The following MORN1 variants were observed in gnomAD, a reference collection of about 807,000 sequenced individuals.
MORN1 encodes MORN repeat containing 1, also known as MORN repeat-containing protein 1.
MORN1 carries 67 observed loss-of-function variants against 61.9 expected under a neutral mutation model. The ratio of observed to expected loss-of-function variants is 1.08; its 90% CI spans 0.89 to 1.33. MORN1 has a LOEUF of 1.33. Ranked by LOEUF, MORN1 falls within the 40% of genes most tolerant of loss-of-function variation. The probability of loss-of-function intolerance (pLI) is 0.00; values close to 1 mark genes in which losing one functional copy is unlikely to be tolerated. For missense variants in MORN1, 752 were observed against 691.2 expected, an observed-to-expected ratio of 1.09 and a Z score of -0.99; for synonymous variants, 301 against 292.0, an observed-to-expected ratio of 1.03 and a Z score of -0.31.
At chr1:2,370,676 T>TC (rs1642097958) in intron 8 of MORN1, among the ~76,000 whole-genome samples, 9 of 31,412 alleles carry the variant, frequency 2.9e-4, no homozygotes, top group Non-Finnish European at 3.8e-4. Flanking sequence ...TTTTTCTTCT[T>TC]TTTTTTTTTT....
intron 8 of MORN1, among the ~76,000 whole-genome samples, chr1:2,362,777 T>TGG (rs1641917417): frequency 6.6e-6 from 1 of 152,030 alleles, no homozygotes; most frequent in African/African-American, 2.4e-5. Flanking sequence ...GGCAGGAGAA[T>TGG]TGCTTGAACC....
At chr1:2,332,362 C>G in intron 12 of MORN1, 1 of 344,366 alleles carries the variant, frequency 2.9e-6, no homozygotes, top group South Asian at 2.2e-5. Context: ...GCCCGGCCAC[C>G]CTGACTGTTG....
chr1:2,368,387 G>A (rs925625727), intron 8 of MORN1, among the ~76,000 whole-genome samples: 4 of 152,242 alleles, frequency 2.6e-5, no homozygotes, highest in Admixed American at 6.5e-5. Context: ...TTTTAACTGC[G>A]TGCAGATCAA....
chr1:2,347,315 G>A (rs1641539327), intron 10 of MORN1, among the ~76,000 whole-genome samples: 1 of 152,154 alleles, frequency 6.6e-6, no homozygotes, highest in Non-Finnish European at 1.5e-5. Context: ...AATGTGCCAC[G>A]AAGGCTCCAT....
At chr1:2,346,957 T>C (rs2100279212) in intron 10 of MORN1, among the ~76,000 whole-genome samples, 1 of 152,206 alleles carries the variant, frequency 6.6e-6, no homozygotes, top group East Asian at 1.9e-4. Context: ...TGGCCAGGGC[T>C]GGACTGGTGT....
intron 2 of MORN1, among the ~76,000 whole-genome samples, chr1:2,389,432 C>G (rs1642589298): frequency 6.6e-6 from 1 of 152,218 alleles, no homozygotes; most frequent in South Asian, 2.1e-4. Flanking sequence ...CCACAACCAG[C>G]TATTATTGTC....
intron 10 of MORN1, among the ~76,000 whole-genome samples, chr1:2,339,296 C>T (rs77340980): frequency 0.06 from 9,081 of 152,244 alleles, 431 homozygotes; most frequent in East Asian, 0.26. Context: ...CTCTTACCGC[C>T]GCATGGCACG....
chr1:2,348,738 T>C (rs1222433427), intron 10 of MORN1, among the ~76,000 whole-genome samples: 6 of 10,168 alleles, frequency 5.9e-4, no homozygotes, highest in African/African-American at 1.3e-3. Context: ...CACGCACACC[T>C]GCGCGGGCAC....
At chr1:2,323,576 T>C in intron 13 of MORN1, 2 of 985,276 alleles carry the variant, frequency 2.0e-6, no homozygotes, top group Non-Finnish European at 2.4e-6. Flanking sequence ...GTGGGGCGAC[T>C]GGAGGAGGCC....
chr1:2,362,986 G>A (rs1338429489), intron 8 of MORN1: 1 of 152,192 alleles, frequency 6.6e-6, no homozygotes, highest in Non-Finnish European at 1.5e-5. Flanking sequence ...AGGAAAATGA[G>A]AGCAGATGGA....
At chr1:2,333,449 C>A (rs527250260) in intron 12 of MORN1, among the ~76,000 whole-genome samples, 1 of 152,190 alleles carries the variant, frequency 6.6e-6, no homozygotes, top group Non-Finnish European at 1.5e-5. Flanking sequence ...GGCCTGGAGA[C>A]GCTGGAACAA....
intron 8 of MORN1, among the ~76,000 whole-genome samples, chr1:2,364,767 C>T (rs1641964959): frequency 1.3e-5 from 2 of 151,964 alleles, no homozygotes; most frequent in Admixed American, 1.3e-4. Context: ...CTAGTTTCAG[C>T]TTTCTACATA....
chr1:2,390,114 C>T (rs1471139846), intron 1 of MORN1, 118 bp from the exon 2 acceptor site: 12 of 928,168 alleles, frequency 1.3e-5, no homozygotes, highest in Non-Finnish European at 1.9e-5. Flanking sequence ...GTACACGTCA[C>T]CTTCAGCAGA....
chr1:2,388,210 G>T, intron 3 of MORN1, 29 bp downstream of exon 3: 1 of 1,565,600 alleles, frequency 6.4e-7, no homozygotes, highest in East Asian at 2.2e-5. Context: ...TGAGAAAGGA[G>T]TGAATGTGCC....
chr1:2,383,320 C>T (rs1376446535), intron 6 of MORN1, among the ~76,000 whole-genome samples: 2 of 152,176 alleles, frequency 1.3e-5, no homozygotes, highest in Non-Finnish European at 2.9e-5. Context: ...CTCTGGCAAG[C>T]GTCTCCTGCA....
At chr1:2,328,709 G>A (rs1405389211) in intron 12 of MORN1, among the ~76,000 whole-genome samples, 1 of 152,180 alleles carries the variant, frequency 6.6e-6, no homozygotes, top group Non-Finnish European at 1.5e-5. Flanking sequence ...CAAGAAATGA[G>A]AGCCAGGGGC....
intron 10 of MORN1, among the ~76,000 whole-genome samples, chr1:2,354,423 C>T (rs868541628): frequency 2.0e-5 from 3 of 152,086 alleles, no homozygotes; most frequent in Non-Finnish European, 4.4e-5. Context: ...AAATATTAGC[C>T]GGGCACGGTG....
intron 10 of MORN1, among the ~76,000 whole-genome samples, chr1:2,348,556 A>G (rs1641564880): frequency 6.6e-6 from 1 of 152,064 alleles, no homozygotes; most frequent in South Asian, 2.1e-4. Context: ...GCCGCTGCCC[A>G]CGGGCCCTGC....
intron 12 of MORN1, 91 bp from the exon 13 acceptor site, chr1:2,324,234 G>A (rs374756416): frequency 1.6e-5 from 22 of 1,388,286 alleles, no homozygotes; most frequent in African/African-American, 5.7e-5. Context: ...AGTGGCTCCA[G>A]GGCAGATTCA....
Sources: gnomAD v4.1 joint callset for allele counts (sites outside exome capture counted in the v4.1 genomes callset) on GRCh38, gnomAD v4.1.1 for gene constraint, MANE v1.5 for transcripts, NCBI Gene and HGNC (gene_info 2026-07-23, HGNC 2026-07-21) for gene names.